Variants in LARGE1 observed in about 807,000 individuals in gnomAD.
LARGE1 encodes the protein xylosyl- and glucuronyltransferase LARGE1.
In LARGE1, 43 loss-of-function variants were observed where a neutral mutation model predicts 87.6. That is an observed-to-expected ratio of 0.49 (90% confidence interval 0.38 to 0.63). LARGE1 has a LOEUF of 0.63. Among genes scored for constraint, LARGE1 ranks in the 30% least tolerant of loss-of-function variants. The probability of loss-of-function intolerance (pLI) is 0.00; values close to 1 mark genes in which losing one functional copy is unlikely to be tolerated. For synonymous variants in LARGE1, 434 were observed against 394.6 expected (o/e 1.10, Z -1.18); for missense variants, 802 against 1,000.2 (o/e 0.80, Z 2.67).
downstream of LARGE1, among the ~76,000 whole-genome samples, chr22:33,161,130 A>T (rs1209448158): frequency 6.6e-6 from 1 of 152,196 alleles, no homozygotes; most frequent in Non-Finnish European, 1.5e-5. Context: ...AATGCCGAGC[A>T]AGTGGGGAAA....
intron 6 of LARGE1, among the ~76,000 whole-genome samples, chr22:33,476,384 T>G (rs2069080208): frequency 6.6e-6 from 1 of 152,232 alleles, no homozygotes; most frequent in African/African-American, 2.4e-5. Context: ...ACCCTTTGTC[T>G]CTTATCTACC....
In LARGE1 at chr22:33,384,264, T is replaced by A; in HGVS notation, c.933A>T (p.Lys311Asn). ...LLLLDKLRKM[K>N]WEQMWRLTAE... ...CGGTCAGCCTCCACATCTGCTCCCA[T>A]TTCATCTTCCGCAGCTTATCCAGAA... The change falls in exon 8 of 15, where the codon AAA becomes AAT. Residue 311 changes from lysine to asparagine, a missense_variant. Coordinates refer to ENST00000397394, the MANE Select transcript of LARGE1 (RefSeq NM_133642.5). 6.2e-7 allele frequency: 1 copy of A among 1,614,062 alleles called. No homozygotes were observed. Among genetic ancestry groups the A allele is most frequent in the Non-Finnish European group, 8.5e-7 (1 of 1,180,018 alleles).
intron 5 of LARGE1, among the ~76,000 whole-genome samples, chr22:33,569,644 C>A (rs967681638): frequency 1.3e-5 from 2 of 152,238 alleles, no homozygotes; most frequent in South Asian, 4.1e-4. Context: ...GCACTCTTCC[C>A]CCACCTCCAT....
chr22:33,721,455 A>G (rs2083094977), intron 2 of LARGE1, among the ~76,000 whole-genome samples: 1 of 152,214 alleles, frequency 6.6e-6, no homozygotes. Context: ...AATTCATACA[A>G]TATCGAAATT....
At chr22:33,618,658 T>C (rs1164838690) in intron 4 of LARGE1, among the ~76,000 whole-genome samples, 1 of 152,204 alleles carries the variant, frequency 6.6e-6, no homozygotes, top group African/African-American at 2.4e-5. Flanking sequence ...GATTCTACAC[T>C]TAACACCTCA....
chr22:33,181,239 T>C (rs137368), intron 11 of LARGE1, among the ~76,000 whole-genome samples: 51,088 of 152,074 alleles, frequency 0.34, 9,032 homozygotes, highest in Non-Finnish European at 0.39. Flanking sequence ...AAAATTTTTA[T>C]GAAGAAGAGG....
intron 4 of LARGE1, among the ~76,000 whole-genome samples, chr22:33,623,311 G>A (rs886906170): frequency 1.3e-5 from 2 of 152,120 alleles, no homozygotes; most frequent in Non-Finnish European, 2.9e-5. Flanking sequence ...AAACTGCAGA[G>A]AAACAATAAC....
chr22:33,303,808 A>AGGT (rs1555892177), intron 12 of LARGE1, among the ~76,000 whole-genome samples: 1 of 146,550 alleles, frequency 6.8e-6, no homozygotes. Context: ...TATTTTTAGT[A>AGGT]GGGGGGGGGT....
At chr22:33,492,616 G>A (rs981950981) in intron 6 of LARGE1, among the ~76,000 whole-genome samples, 1 of 152,300 alleles carries the variant, frequency 6.6e-6, no homozygotes, top group Middle Eastern at 3.4e-3. Context: ...CGGGAGCTTT[G>A]CAAATTCTTT....
intron 2 of LARGE1, among the ~76,000 whole-genome samples, chr22:33,736,886 G>A (rs781460526): frequency 2.0e-5 from 3 of 152,186 alleles, no homozygotes; most frequent in Non-Finnish European, 4.4e-5. Context: ...ATTCTAGAAA[G>A]GAGATAAATA....
chr22:33,662,750 A>G (rs1344022904), intron 2 of LARGE1, among the ~76,000 whole-genome samples: 2 of 152,192 alleles, frequency 1.3e-5, no homozygotes, highest in African/African-American at 4.8e-5. Context: ...AAAAAATGGA[A>G]GCAAGTACTT....
At chr22:33,119,497 T>C in the LARGE1 span, among the ~76,000 whole-genome samples, 1 of 152,094 alleles carries the variant, frequency 6.6e-6, no homozygotes, top group Non-Finnish European at 1.5e-5. Flanking sequence ...TAGGTTTGAG[T>C]AGGGTGGCGG....
chr22:33,833,411 T>C (rs995495641), intron 1 of LARGE1, among the ~76,000 whole-genome samples: 1 of 152,120 alleles, frequency 6.6e-6, no homozygotes, highest in African/African-American at 2.4e-5. Flanking sequence ...ATGACCAGTG[T>C]CCTTATAAGA....
Position 33,384,222 on chromosome 22 carries a change from C to G in LARGE1, c.975G>C (p.Met325Ile), listed in dbSNP as rs2065251418. The G allele has an allele frequency of 6.2e-7, 1 of 1,614,190 alleles. No homozygotes were observed. The highest frequency in any genetic ancestry group is 8.5e-7 in the Non-Finnish European group (1 of 1,180,016). ...CAGCTAAGGATGTAGAGAGCATGCC[C>G]ATGAGCTCCCTCTCTGCGGTCAGCC... is the stretch of plus-strand genomic sequence containing the variant. ...MWRLTAEREL[M>I]GMLSTSLADQ... is the part of the protein sequence containing the mutation. The change falls in exon 8 of 15, where the codon ATG becomes ATC. Residue 325 changes from methionine to isoleucine, a missense_variant. By Grantham distance (10) the Met-to-Ile change is conservative. Around this residue, in one of 2 missense-constraint regions of LARGE1, gnomAD observed 625 missense variants for 841.9 expected, o/e 0.74. Transcript: ENST00000397394.
At chr22:33,389,017 G>A (rs2065423112) in intron 7 of LARGE1, among the ~76,000 whole-genome samples, 1 of 152,220 alleles carries the variant, frequency 6.6e-6, no homozygotes, top group Non-Finnish European at 1.5e-5. Flanking sequence ...CTGAGATCAT[G>A]CAGTGCTTAT....
At chr22:33,623,782 G>A (rs576315097) in intron 4 of LARGE1, among the ~76,000 whole-genome samples, 1 of 151,694 alleles carries the variant, frequency 6.6e-6, no homozygotes, top group Non-Finnish European at 1.5e-5. Context: ...TGTAATCCCA[G>A]CACTTTGGGA....
intron 1 of LARGE1, among the ~76,000 whole-genome samples, chr22:33,802,326 A>G (rs2086186818): frequency 6.6e-6 from 1 of 152,156 alleles, no homozygotes; most frequent in African/African-American, 2.4e-5. Flanking sequence ...CACTTAGAGA[A>G]GAGCTCTTAG....
intron 4 of LARGE1, among the ~76,000 whole-genome samples, chr22:33,611,614 A>G (rs2079432091): frequency 6.6e-6 from 1 of 152,202 alleles, no homozygotes; most frequent in Admixed American, 6.5e-5. Flanking sequence ...TGGGACTTTG[A>G]ACTTGGGACT....
chr22:33,550,084 A>G (rs368332198), intron 6 of LARGE1, among the ~76,000 whole-genome samples: 184 of 152,078 alleles, frequency 1.2e-3, no homozygotes, highest in African/African-American at 4.2e-3. Flanking sequence ...AACACAGCAC[A>G]TGTATACATA....
Sources: allele counts gnomAD v4.1 joint callset (sites outside exome capture counted in the v4.1 genomes callset), GRCh38; gene constraint gnomAD v4.1.1; regional missense constraint gnomAD v4.1.1; transcripts MANE v1.5; gene names NCBI Gene and HGNC (gene_info 2026-07-23, HGNC 2026-07-21).